Variants in SLC4A10 observed in about 807,000 individuals in gnomAD.
SLC4A10 encodes the protein solute carrier family 4 member 10.
Under a neutral mutation model 137.7 loss-of-function variants are expected in SLC4A10, and 42 were observed. The observed-to-expected ratio is 0.30, with a 90% CI of 0.24 to 0.39. The LOEUF is 0.39. Among genes scored for constraint, SLC4A10 ranks in the 10% least tolerant of loss-of-function variants. The pLI, the probability that SLC4A10 is intolerant of heterozygous loss-of-function variation, is 1.00. For synonymous variants in SLC4A10, 474 were observed against 464.1 expected, an observed-to-expected ratio of 1.02 and a Z score of -0.27; for missense variants, 925 against 1,355.0, an observed-to-expected ratio of 0.68 and a Z score of 4.98.
At chr2:161,828,282 T>C (rs1239808065) in intron 3 of SLC4A10, among the ~76,000 whole-genome samples, 1 of 152,206 alleles carries the variant, frequency 6.6e-6, no homozygotes, top group African/African-American at 2.4e-5. Flanking sequence ...TATTCATGAC[T>C]CACTTGTTCC....
intron 1 of SLC4A10, among the ~76,000 whole-genome samples, chr2:161,704,978 C>T (rs1574464265): frequency 6.6e-6 from 1 of 151,594 alleles, no homozygotes; most frequent in Non-Finnish European, 1.5e-5. Context: ...AACTAATTTA[C>T]ACTTTTTAAA....
intron 4 of SLC4A10, 125 bp downstream of exon 4, chr2:161,840,052 T>A: frequency 8.7e-7 from 1 of 1,145,712 alleles, no homozygotes; most frequent in Non-Finnish European, 1.3e-6. Flanking sequence ...GTTGCTCATC[T>A]AGCCTGAGCA....
chr2:161,716,604 T>C (rs2044910127), intron 1 of SLC4A10, among the ~76,000 whole-genome samples: 4 of 152,188 alleles, frequency 2.6e-5, no homozygotes, highest in Admixed American at 2.6e-4. Context: ...TTGTTGAAGA[T>C]CAGACAATTG....
intron 1 of SLC4A10, among the ~76,000 whole-genome samples, chr2:161,719,239 T>C: frequency 6.6e-6 from 1 of 152,168 alleles, no homozygotes; most frequent in Non-Finnish European, 1.5e-5. Flanking sequence ...GAACTCATCA[T>C]TTTTTATGGC....
Position 161,894,828 on chromosome 2 carries a change from A to G in SLC4A10, c.1341+3A>G, listed in dbSNP as rs1247586468. ...CTCCCAAAAATGTTCCTTCCCAGGT[A>G]TGTATATTTGAAGACATTCTTTGAA... On this transcript the variant is annotated splice_donor_region_variant and intron_variant, in intron 11 of 26. Coordinates refer to ENST00000446997, the MANE Select transcript of SLC4A10 (RefSeq NM_001178015.2). 1 of 1,348,584 alleles carries G rather than the reference A, an allele frequency of 7.4e-7. No individual in the cohort carries two copies. The highest frequency in any genetic ancestry group is 9.6e-7 in the Non-Finnish European group (1 of 1,039,362). The allele number at this position is 1,348,584 out of a possible 1,614,324, so 83.5% of individuals were successfully genotyped here. A position where few individuals can be genotyped will look rare whatever the true frequency, so the allele number is the denominator to read the frequency against.
chr2:161,809,538 G>A (rs967057358), intron 3 of SLC4A10, among the ~76,000 whole-genome samples: 1 of 152,054 alleles, frequency 6.6e-6, no homozygotes, highest in African/African-American at 2.4e-5. Flanking sequence ...AATCCAACTT[G>A]AGTTAATTTT....
intron 2 of SLC4A10, among the ~76,000 whole-genome samples, chr2:161,772,468 G>A (rs968261412): frequency 3.4e-4 from 51 of 151,686 alleles, no homozygotes; most frequent in African/African-American, 1.2e-3. Context: ...ATAAAAAATA[G>A]CATTTACTGA....
chr2:161,909,462 G>A (rs1244159058), intron 15 of SLC4A10, among the ~76,000 whole-genome samples: 1 of 152,180 alleles, frequency 6.6e-6, no homozygotes, highest in Non-Finnish European at 1.5e-5. Flanking sequence ...TAGAAGGGAT[G>A]GAACGACTGG....
At chr2:161,833,292 C>G (rs1168750351) in intron 3 of SLC4A10, among the ~76,000 whole-genome samples, 2 of 152,152 alleles carry the variant, frequency 1.3e-5, no homozygotes, top group Non-Finnish European at 2.9e-5. Flanking sequence ...AGTAGAAAGT[C>G]TTGGAATTTT....
rs1418880390 is a variant in SLC4A10, at chr2:161,974,266, A to G, written c.3177A>G (p.Leu1059=). ...CTTTTCAGGAAGAACAAAGTATGCT[A>G]GCTATGGAAGATGAGGGCACAGTAC... ...DAEKEEEQSM[L]AMEDEGTVQL... The change falls in exon 24 of 27, where the codon CTA becomes CTG. Residue 1059 remains leucine (L), a synonymous_variant. Coordinates refer to ENST00000446997, the MANE Select transcript of SLC4A10 (RefSeq NM_001178015.2). The G allele has an allele frequency of 1.2e-6, 2 of 1,607,832 alleles. No individual in the cohort carries two copies. The highest frequency in any genetic ancestry group is 1.7e-6 in the Non-Finnish European group (2 of 1,177,124).
At chr2:161,742,435 CTTTCTT>C (rs1478313590) in intron 1 of SLC4A10, among the ~76,000 whole-genome samples, 7 of 129,350 alleles carry the variant, frequency 5.4e-5, no homozygotes, top group African/African-American at 1.6e-4. Context: ...TTCTTTCTTT[CTTTCTT>C]TTTTTTTTTT....
At chr2:161,631,604 T>C (rs1345541661) in intron 1 of SLC4A10, among the ~76,000 whole-genome samples, 1 of 151,656 alleles carries the variant, frequency 6.6e-6, no homozygotes, top group Admixed American at 6.6e-5. Context: ...GCATTTTATG[T>C]ACCAGAGAGA....
chr2:161,888,872 A>G (rs1415721727), intron 10 of SLC4A10, among the ~76,000 whole-genome samples: 1 of 152,130 alleles, frequency 6.6e-6, no homozygotes, highest in African/African-American at 2.4e-5. Context: ...TGGTTTTCAA[A>G]GGGAATGCTT....
chr2:161,915,561 A>C (rs1241396936), intron 15 of SLC4A10, among the ~76,000 whole-genome samples: 3 of 152,172 alleles, frequency 2.0e-5, no homozygotes, highest in African/African-American at 7.2e-5. Context: ...CTGTCTGTGG[A>C]TGGTGGAGAT....
chr2:161,839,754 C>T (rs374941792), intron 3 of SLC4A10, 35 bp from the exon 4 acceptor site: 4 of 1,610,168 alleles, frequency 2.5e-6, no homozygotes, highest in African/African-American at 2.7e-5. Context: ...CGTGGTAATA[C>T]ATGTTCATGG....
intron 1 of SLC4A10, among the ~76,000 whole-genome samples, chr2:161,745,567 G>A (rs2048308851): frequency 6.6e-6 from 1 of 151,962 alleles, no homozygotes; most frequent in Non-Finnish European, 1.5e-5. Context: ...GGTCACTGGT[G>A]CCTTCTTTTG....
Position 161,983,332 on chromosome 2 carries a change from T to C in SLC4A10, c.*180T>C, listed in dbSNP as rs1700479084. On this transcript the variant is annotated 3_prime_UTR_variant, in exon 27 of 27. Transcript: ENST00000446997. The stretch of plus-strand genomic sequence containing the variant: ...TGCTTTGATCATGTATTGTAAATTC[T>C]GTCCCTCAACCCAAATCCACCTTCA... The C allele has an allele frequency of 7.8e-7, 1 of 1,288,200 alleles. No homozygotes were observed. Among genetic ancestry groups the C allele is most frequent in the African/African-American group, 1.5e-5 (1 of 67,488 alleles). The allele number at this position is 1,288,200 out of a possible 1,614,324, so 79.8% of individuals were successfully genotyped here.
chr2:161,810,494 CTG>C (rs1355758575), intron 3 of SLC4A10, among the ~76,000 whole-genome samples: 21 of 152,074 alleles, frequency 1.4e-4, no homozygotes, highest in African/African-American at 4.8e-4. Flanking sequence ...ATGATTTTAG[CTG>C]TGTGTTTTTC....
At chr2:161,819,861 G>A (rs976618207) in intron 3 of SLC4A10, among the ~76,000 whole-genome samples, 1 of 152,114 alleles carries the variant, frequency 6.6e-6, no homozygotes, top group African/African-American at 2.4e-5. Context: ...TTTCAACTGG[G>A]AACATGGATG....
Sources: gnomAD v4.1 joint callset for allele counts (sites outside exome capture counted in the v4.1 genomes callset) on GRCh38, gnomAD v4.1.1 for gene constraint, MANE v1.5 for transcripts, NCBI Gene and HGNC (gene_info 2026-07-23, HGNC 2026-07-21) for gene names.